ANO6: variants seen among roughly 807,000 people sequenced by gnomAD.
ANO6 encodes the protein anoctamin-6.
ANO6 carries 106 observed loss-of-function variants against 117.5 expected under a neutral mutation model. The ratio of observed to expected loss-of-function variants is 0.90; its 90% CI spans 0.77 to 1.06. ANO6 has a LOEUF of 1.06. ANO6 is among the 50% of genes least tolerant of loss of function. The pLI is 0.00. For missense variants in ANO6, 955 were observed against 1,121.1 expected (o/e 0.85, Z 2.12); for synonymous variants, 367 against 385.1 (o/e 0.95, Z 0.55).
At chr12:45,350,805 AGG>A in intron 7 of ANO6, 31 bp downstream of exon 7, 1 of 1,537,012 alleles carries the variant, frequency 6.5e-7, no homozygotes, top group Non-Finnish European at 9.0e-7. Context: ...CTCCAGGGGG[AGG>A]CACTCAGGGT....
chr12:45,294,206 G>A (rs574526184), intron 1 of ANO6, among the ~76,000 whole-genome samples: 1 of 152,150 alleles, frequency 6.6e-6, no homozygotes, highest in Non-Finnish European at 1.5e-5. Flanking sequence ...TTGGATTGGG[G>A]AATTGAACTG....
Position 45,238,154 on chromosome 12 carries a change from T to TC in ANO6, c.70+21763_70+21764insC, listed in dbSNP as rs568653591. On this transcript the variant is annotated intron_variant, in intron 1 of 19. Transcript: ENST00000320560. ...ATGGGGTTTTCTTTTTCTTTTTCTT[T>TC]TTTTTTTTTTTTTTGAGACAGAGTC... 3.6e-3 allele frequency among the ~76,000 whole-genome samples: 532 copies of TC among 147,408 alleles called. 10 individuals carry two copies. Among genetic ancestry groups the TC allele is most frequent in the Admixed American group, 0.034 (501 of 14,874 alleles).
chr12:45,330,261 T>A (rs1940618738), intron 2 of ANO6, among the ~76,000 whole-genome samples: 1 of 152,090 alleles, frequency 6.6e-6, no homozygotes, highest in Non-Finnish European at 1.5e-5. Flanking sequence ...AAAAAATATG[T>A]TTTCAAAAGT....
chr12:45,303,846 G>C (rs1013381101), intron 2 of ANO6, among the ~76,000 whole-genome samples: 1 of 152,164 alleles, frequency 6.6e-6, no homozygotes, highest in Admixed American at 6.5e-5. Context: ...AGATTCTTGG[G>C]CTAAATCCCC....
rs1460955661 is a variant in ANO6 at position 45,430,966 on chromosome 12, A to C, written c.*1655A>C. 1 of 985,342 alleles carries C rather than the reference A, an allele frequency of 1.0e-6. No individual in the cohort carries two copies. Among genetic ancestry groups the C allele is most frequent in the African/African-American group, 1.7e-5 (1 of 57,246 alleles). 61.0% of individuals were successfully genotyped at this position (985,342 alleles called of 1,614,324 possible). A position where few individuals can be genotyped will look rare whatever the true frequency, so the allele number is the denominator to read the frequency against. On this transcript the variant is annotated 3_prime_UTR_variant, in exon 20 of 20. Coordinates refer to ENST00000320560, the MANE Select transcript of ANO6 (RefSeq NM_001025356.3). ...CTATCAGAATCCCAGCAGCAAAGGA[A>C]AACTCAGATTTTAGAGGCTTTTTAC...
intron 2 of ANO6, among the ~76,000 whole-genome samples, chr12:45,307,425 G>T (rs1036137046): frequency 1.3e-5 from 2 of 152,174 alleles, no homozygotes; most frequent in Admixed American, 6.5e-5. Flanking sequence ...AGAAAGAGCA[G>T]TCAAGGAATG....
intron 19 of ANO6, among the ~76,000 whole-genome samples, chr12:45,438,709 T>C (rs1943736280): frequency 6.6e-6 from 1 of 152,198 alleles, no homozygotes; most frequent in South Asian, 2.1e-4. Flanking sequence ...GTCCCAAGGA[T>C]ATCAAATAAG....
At chr12:45,311,523 G>A (rs1939850652) in intron 2 of ANO6, among the ~76,000 whole-genome samples, 1 of 152,062 alleles carries the variant, frequency 6.6e-6, no homozygotes, top group Admixed American at 6.6e-5. Flanking sequence ...GGAATGATCA[G>A]CATGGTAGAA....
rs79740748 is a variant in ANO6, at chr12:45,360,601, T to C, written c.998+3177T>C. Among the ~76,000 whole-genome samples, 702 of 152,358 alleles carry C rather than the reference T, an allele frequency of 4.6e-3. 20 individuals carry two copies. The East Asian group carries it at 0.087, about 19-fold the overall frequency. ...CTAATAGCATCCTTTGAAACAAAATTATTTTTAATTTTGATGATCTCCAGT... is the reference window on the plus strand; with the variant it reads ...CTAATAGCATCCTTTGAAACAAAATCATTTTTAATTTTGATGATCTCCAGT... On this transcript the variant is annotated intron_variant, in intron 8 of 19. Transcript: ENST00000320560.
In ANO6 at chr12:45,302,113, C is replaced by T. The variant is rs1939513421; in HGVS notation, c.150+20C>T. 1.2e-6 allele frequency: 2 copies of T among 1,606,708 alleles called. No homozygotes were observed. Among genetic ancestry groups the T allele is most frequent in the African/African-American group, 2.7e-5 (2 of 74,824 alleles). Reference sequence around the variant, plus strand: ...GAGTTTGTGAGTACTATTCCTTTATCTTAAATTTGTATTCTTAAGCTAAGA... The same window carrying T: ...GAGTTTGTGAGTACTATTCCTTTATTTTAAATTTGTATTCTTAAGCTAAGA... On this transcript the variant is annotated intron_variant, in intron 2 of 19. Transcript: ENST00000320560.
At chr12:45,282,592 C>T (rs1167927552) in intron 1 of ANO6, among the ~76,000 whole-genome samples, 1 of 152,102 alleles carries the variant, frequency 6.6e-6, no homozygotes, top group Non-Finnish European at 1.5e-5. Context: ...ACCTTAGAGC[C>T]GGCTGGTGAC....
At chr12:45,274,416 G>T (rs926874125) in intron 1 of ANO6, among the ~76,000 whole-genome samples, 3 of 152,036 alleles carry the variant, frequency 2.0e-5, no homozygotes, top group Non-Finnish European at 4.4e-5. Context: ...AGGCCCCAAA[G>T]CTGAAGTCAT....
intron 16 of ANO6, among the ~76,000 whole-genome samples, chr12:45,414,432 C>T (rs1196687061): frequency 6.6e-6 from 1 of 151,898 alleles, no homozygotes; most frequent in Non-Finnish European, 1.5e-5. Context: ...ATTTTGGTGT[C>T]AGAAGTGATG....
intron 19 of ANO6, among the ~76,000 whole-genome samples, chr12:45,424,249 A>G (rs1592051771): frequency 6.6e-6 from 1 of 151,082 alleles, no homozygotes; most frequent in Non-Finnish European, 1.5e-5. Context: ...TTCTAGAGCC[A>G]GCTAGATAAT....
At chr12:45,302,977 T>C (rs1939547021) in intron 2 of ANO6, among the ~76,000 whole-genome samples, 2 of 152,212 alleles carry the variant, frequency 1.3e-5, no homozygotes, top group African/African-American at 4.8e-5. Flanking sequence ...CAGAGCACAA[T>C]TGTATTATTG....
chr12:45,425,491 G>T (rs2137719708), intron 19 of ANO6, among the ~76,000 whole-genome samples: 1 of 152,286 alleles, frequency 6.6e-6, no homozygotes, highest in South Asian at 2.1e-4. Flanking sequence ...TAACCGGAGG[G>T]AAAAAACTGA....
chr12:45,297,389 A>G (rs1421228425), intron 1 of ANO6, among the ~76,000 whole-genome samples: 2 of 152,206 alleles, frequency 1.3e-5, no homozygotes, highest in Non-Finnish European at 1.5e-5. Flanking sequence ...TTTCTCATAG[A>G]TAATAGATTG....
At chr12:45,298,388 T>A (rs1939367060) in intron 1 of ANO6, among the ~76,000 whole-genome samples, 1 of 152,246 alleles carries the variant, frequency 6.6e-6, no homozygotes, top group African/African-American at 2.4e-5. Flanking sequence ...TCTGCTCATT[T>A]TAATACAAAC....
intron 9 of ANO6, among the ~76,000 whole-genome samples, chr12:45,374,959 T>A (rs1338687621): frequency 6.6e-6 from 1 of 151,386 alleles, no homozygotes; most frequent in African/African-American, 2.4e-5. Flanking sequence ...AAAACCCCAT[T>A]GTCTCAGCCC....
Sources: allele counts gnomAD v4.1 joint callset (sites outside exome capture counted in the v4.1 genomes callset), GRCh38; gene constraint gnomAD v4.1.1; transcripts MANE v1.5; gene names NCBI Gene and HGNC (gene_info 2026-07-23, HGNC 2026-07-21).